CYLD: variants seen among roughly 807,000 people sequenced by gnomAD.
CYLD encodes CYLD lysine 63 deubiquitinase.
Under a neutral mutation model 104.5 loss-of-function variants are expected in CYLD, and 26 were observed. That is an observed-to-expected ratio of 0.25 (90% CI 0.18 to 0.35). The LOEUF (loss-of-function observed/expected upper bound fraction) is 0.35. Ranked by LOEUF, CYLD falls within the 10% of genes least tolerant of loss-of-function variation. The pLI, the probability that CYLD is intolerant of heterozygous loss-of-function variation, is 1.00. For synonymous variants in CYLD, 385 were observed against 399.9 expected (o/e 0.96, Z 0.45); for missense variants, 703 against 1,136.1 (o/e 0.62, Z 5.48).
At chr16:50,790,783 T>A (rs982098928) in intron 14 of CYLD, among the ~76,000 whole-genome samples, 21 of 152,172 alleles carry the variant, frequency 1.4e-4, no homozygotes, top group Admixed American at 1.4e-3. Context: ...TAAGTTTAGA[T>A]GTAAATAGTC....
intron 8 of CYLD, among the ~76,000 whole-genome samples, chr16:50,779,455 G>A (rs1970000814): frequency 6.6e-6 from 1 of 151,994 alleles, no homozygotes. Flanking sequence ...TGAACAGTTG[G>A]GTGCCATTGA....
rs1370854950 is a variant in CYLD at position 50,798,591 on chromosome 16, G to C, written c.*2083G>C. 1 of 229,290 alleles carries C rather than the reference G, an allele frequency of 4.4e-6. No homozygotes were observed. The highest frequency in any genetic ancestry group is 8.5e-6 in the Non-Finnish European group (1 of 117,168). 14.2% of individuals were successfully genotyped at this position (229,290 alleles called of 1,614,324 possible). On this transcript the variant is annotated 3_prime_UTR_variant, in exon 19 of 19. Coordinates refer to ENST00000427738, the MANE Select transcript of CYLD (RefSeq NM_001378743.1). ...GCAGATACTAAGGGCTGACGATCTA[G>C]GTAAGACTGGATTTAACAGTTGGAA...
At chr16:50,750,311 A>G (rs1162444532) in intron 3 of CYLD, 109 bp downstream of exon 3, 49 of 1,276,860 alleles carry the variant, frequency 3.8e-5, no homozygotes, top group Non-Finnish European at 1.4e-5. Flanking sequence ...AAATTTTCCC[A>G]AGAGTCTTCT....
chr16:50,766,000 C>T (rs1968472462), intron 5 of CYLD, among the ~76,000 whole-genome samples: 1 of 152,200 alleles, frequency 6.6e-6, no homozygotes, highest in African/African-American at 2.4e-5. Context: ...TGCAAGTTAT[C>T]AGAAGATCTA....
chr16:50,787,928 G>T (rs778566069), intron 14 of CYLD, 76 bp downstream of exon 14: 48 of 851,022 alleles, frequency 5.6e-5, no homozygotes, highest in Non-Finnish European at 8.2e-5. Flanking sequence ...CAACAGACAT[G>T]ATTTCCAGAA....
intron 16 of CYLD, among the ~76,000 whole-genome samples, chr16:50,793,148 A>G (rs1971599905): frequency 6.6e-6 from 1 of 151,018 alleles, no homozygotes; most frequent in Admixed American, 6.6e-5. Context: ...ACACACACAC[A>G]TGCATATATA....
chr16:50,787,003 A>G (rs766959437), intron 13 of CYLD, 57 bp downstream of exon 13: 4 of 1,366,742 alleles, frequency 2.9e-6, no homozygotes, highest in Non-Finnish European at 4.2e-6. Context: ...TCACATGTCA[A>G]AGTATTAGCT....
chr16:50,798,337 C>A lies in CYLD; in HGVS notation c.*1829C>A, dbSNP rs1972212330. 4.3e-6 allele frequency: 1 copy of A among 231,692 alleles called. No homozygotes were observed. Among genetic ancestry groups the A allele is most frequent in the South Asian group, 1.8e-4 (1 of 5,510 alleles). 14.4% of individuals were successfully genotyped at this position (231,692 alleles called of 1,614,324 possible). ...TTTTTTAAAAAAAGGATGGTTACATCCGTATTGAACATGTACAGACTTTTT... is the reference window on the plus strand; with the variant it reads ...TTTTTTAAAAAAAGGATGGTTACATACGTATTGAACATGTACAGACTTTTT... On this transcript the variant is annotated 3_prime_UTR_variant, in exon 19 of 19. Coordinates refer to ENST00000427738, the MANE Select transcript of CYLD (RefSeq NM_001378743.1).
intron 8 of CYLD, among the ~76,000 whole-genome samples, chr16:50,778,459 T>C (rs1476994971): frequency 6.6e-6 from 1 of 152,188 alleles, no homozygotes; most frequent in Non-Finnish European, 1.5e-5. Context: ...ACAGACACAG[T>C]AGAGTTGCCT....
intron 8 of CYLD, 38 bp from the exon 9 acceptor site, chr16:50,779,627 C>G (rs370767437): frequency 1.9e-6 from 3 of 1,603,378 alleles, no homozygotes; most frequent in South Asian, 1.1e-5. Context: ...GAGTCAATAT[C>G]CTTGAATACA....
rs754758384 is a variant in CYLD at position 50,801,893 on chromosome 16, C to G, written c.*5385C>G. The G allele has an allele frequency of 4.3e-6, 1 of 231,290 alleles. No individual in the cohort carries two copies. 14.3% of individuals were successfully genotyped at this position (231,290 alleles called of 1,614,324 possible). A position where few individuals can be genotyped will look rare whatever the true frequency, so the allele number is the denominator to read the frequency against. On this transcript the variant is annotated 3_prime_UTR_variant, in exon 19 of 19. Transcript: ENST00000427738. ...AAGTGCTGCTGTGGAAAGAAATGTA[C>G]ATATACTATTTCTGTATCATTAAAA...
At position 50,755,088 on chromosome 16, in the gene CYLD, T is replaced by TATATACATATATACAC. The variant is rs1555505455; in HGVS notation, c.913+673_913+674insTATACACATATACATA. Among the ~76,000 whole-genome samples the TATATACATATATACAC allele has an allele frequency of 1.2e-4, 4 of 34,494 alleles. 1 individual carries two copies. Among genetic ancestry groups the TATATACATATATACAC allele is most frequent in the African/African-American group, 9.0e-4 (4 of 4,432 alleles). The allele number at this position is 34,494 out of a possible 152,430, so 22.6% of individuals were successfully genotyped here. A position where few individuals can be genotyped will look rare whatever the true frequency, so the allele number is the denominator to read the frequency against. On this transcript the variant is annotated intron_variant, in intron 5 of 18. Coordinates refer to ENST00000427738, the MANE Select transcript of CYLD (RefSeq NM_001378743.1). ...ATAGATATGTATACATATACACACA[T>TATATACATATATACAC]ATATACATACATATATACACACATA...
At chr16:50,761,640 G>T (rs1442734220) in intron 5 of CYLD, among the ~76,000 whole-genome samples, 1 of 152,150 alleles carries the variant, frequency 6.6e-6, no homozygotes, top group Non-Finnish European at 1.5e-5. Flanking sequence ...TTATGCTGTT[G>T]TATTCTTTTA....
intron 4 of CYLD, 131 bp downstream of exon 4, chr16:50,752,037 G>A (rs532396672): frequency 1.6e-4 from 46 of 280,344 alleles, no homozygotes; most frequent in African/African-American, 1.1e-3. Context: ...ATATATATAT[G>A]TATTAGTTTT....
intron 5 of CYLD, among the ~76,000 whole-genome samples, chr16:50,773,429 AGTTT>A (rs1266424760): frequency 6.6e-6 from 1 of 152,130 alleles, no homozygotes; most frequent in East Asian, 1.9e-4. Flanking sequence ...GTTTATCAGT[AGTTT>A]GTTCCTTTTT....
rs1157081328 is a variant in CYLD at position 50,797,850 on chromosome 16, T to G, written c.*1342T>G. Reference sequence around the variant, plus strand: ...TTAAAGGCACTTTTACTCTTTGGTTTTATCATTCCATTTTGCTAATATTTA... The same window carrying G: ...TTAAAGGCACTTTTACTCTTTGGTTGTATCATTCCATTTTGCTAATATTTA... On this transcript the variant is annotated 3_prime_UTR_variant, in exon 19 of 19. Coordinates refer to ENST00000427738, the MANE Select transcript of CYLD (RefSeq NM_001378743.1). The G allele has an allele frequency of 4.3e-6, 1 of 232,582 alleles. No individual in the cohort carries two copies. The highest frequency in any genetic ancestry group is 5.6e-5 in the Admixed American group (1 of 17,764). The allele number at this position is 232,582 out of a possible 1,614,324, so 14.4% of individuals were successfully genotyped here. A position where few individuals can be genotyped will look rare whatever the true frequency, so the allele number is the denominator to read the frequency against.
At chr16:50,793,125 C>CAT (rs1301208596) in intron 16 of CYLD, among the ~76,000 whole-genome samples, 2 of 151,524 alleles carry the variant, frequency 1.3e-5, no homozygotes, top group East Asian at 1.9e-4. Context: ...TACACACACA[C>CAT]ACACACACAC....
Position 50,800,773 on chromosome 16 carries a change from A to T in CYLD, c.*4265A>T. On this transcript the variant is annotated 3_prime_UTR_variant, in exon 19 of 19. Coordinates refer to ENST00000427738, the MANE Select transcript of CYLD (RefSeq NM_001378743.1). ...ATAAAGTAAGAGGTCTTTTTAAAGT[A>T]GGTAGGCTATAAGGCCTGTAATTTA... The T allele has an allele frequency of 4.3e-6, 1 of 233,272 alleles. No individual in the cohort carries two copies. Among genetic ancestry groups the T allele is most frequent in the African/African-American group, 2.2e-5 (1 of 45,476 alleles). 14.5% of individuals were successfully genotyped at this position (233,272 alleles called of 1,614,324 possible).
At chr16:50,787,475 C>G in intron 13 of CYLD, 1 of 324,494 alleles carries the variant, frequency 3.1e-6, no homozygotes, top group South Asian at 3.2e-5. Context: ...ACAGAGCATA[C>G]TTCAGATTGT....
Sources: allele counts gnomAD v4.1 joint callset (sites outside exome capture counted in the v4.1 genomes callset), GRCh38; gene constraint gnomAD v4.1.1; transcripts MANE v1.5; gene names NCBI Gene and HGNC (gene_info 2026-07-23, HGNC 2026-07-21).